PRMT8: variants seen among roughly 807,000 people sequenced by gnomAD.
PRMT8 encodes protein arginine methyltransferase 8.
A neutral mutation model predicts 47.1 loss-of-function variants in PRMT8; 7 were observed. The observed-to-expected ratio is 0.15, with a 90% CI of 0.08 to 0.28. The LOEUF (loss-of-function observed/expected upper bound fraction) is 0.28, where lower values mean the gene tolerates loss of function less well. Among genes scored for constraint, PRMT8 ranks in the 10% least tolerant of loss-of-function variants. PRMT8 has a pLI of 1.00. For missense variants in PRMT8, 237 were observed against 505.4 expected, an observed-to-expected ratio of 0.47 and a Z score of 5.09; for synonymous variants, 188 against 186.5, an observed-to-expected ratio of 1.01 and a Z score of -0.07.
intron 1 of PRMT8, among the ~76,000 whole-genome samples, chr12:3,406,569 T>A (rs967216322): frequency 2.0e-5 from 3 of 152,208 alleles, no homozygotes; most frequent in African/African-American, 7.2e-5. Context: ...AAGTTCAAAG[T>A]TACACAGATC....
Position 3,493,557 on chromosome 12 carries a change from T to C in PRMT8, c.75+1857T>C, listed in dbSNP as rs1054591454. 7.9e-5 allele frequency among the ~76,000 whole-genome samples: 12 copies of C among 151,992 alleles called. No homozygotes were observed. The South Asian group carries it at 1.2e-3, about 16-fold the overall frequency. Reference sequence around the variant, plus strand: ...CTCCTACCCCCGCTGCCGCGCGGGGTCTGGGTGCAGACCCCTGCCAGGTTC... The same window carrying C: ...CTCCTACCCCCGCTGCCGCGCGGGGCCTGGGTGCAGACCCCTGCCAGGTTC... On this transcript the variant is annotated intron_variant, in intron 1 of 9. Transcript: ENST00000382622. This position sits in a 1 kb window ranked among gnomAD's most constrained non-coding sequence, Gnocchi z 8.2.
rs180768811 is a variant in PRMT8, at chr12:3,538,807, G to A, written c.76-1799G>A. The A allele has an allele frequency of 2.0e-6, 1 of 509,416 alleles. No homozygotes were observed. Among genetic ancestry groups the A allele is most frequent in the East Asian group, 5.5e-5 (1 of 18,154 alleles). 31.6% of individuals were successfully genotyped at this position (509,416 alleles called of 1,614,324 possible). Reference sequence around the variant, plus strand: ...TCCCAAGCTGAGAGTGGGCACACCTGCTGCATTCTAATGAGGCAGCCCCAC... The same window carrying A: ...TCCCAAGCTGAGAGTGGGCACACCTACTGCATTCTAATGAGGCAGCCCCAC... On this transcript the variant is annotated intron_variant, in intron 1 of 9. Transcript: ENST00000382622. This position sits in a 1 kb window ranked among gnomAD's most constrained non-coding sequence, Gnocchi z 4.6.
chr12:3,496,211 TA>T, intron 1 of PRMT8, among the ~76,000 whole-genome samples: 2 of 48,106 alleles, frequency 4.2e-5, no homozygotes, highest in South Asian at 1.4e-3. Flanking sequence ...TATATATATA[TA>T]TATTTTTTTT....
At chr12:3,573,228 A>G (rs1026362542) in intron 6 of PRMT8, among the ~76,000 whole-genome samples, 1 of 152,032 alleles carries the variant, frequency 6.6e-6, no homozygotes, top group Admixed American at 6.6e-5. Context: ...CCCGTTTTCA[A>G]CTTTATTGGT....
chr12:3,511,818 A>G (rs1865718515), intron 1 of PRMT8, among the ~76,000 whole-genome samples: 2 of 152,220 alleles, frequency 1.3e-5, no homozygotes, highest in African/African-American at 4.8e-5. Context: ...AAAGGGGAAA[A>G]AAAAGCAAAG....
intron 7 of PRMT8, among the ~76,000 whole-genome samples, chr12:3,581,466 G>A (rs1355413785): frequency 1.3e-5 from 2 of 152,170 alleles, no homozygotes; most frequent in Non-Finnish European, 2.9e-5. Flanking sequence ...CCCTAAAGGT[G>A]TTCAGCAAGC....
At chr12:3,469,693 G>C (rs369704352) in intron 1 of PRMT8, among the ~76,000 whole-genome samples, 20 of 152,252 alleles carry the variant, frequency 1.3e-4, no homozygotes, top group African/African-American at 4.8e-4. Context: ...CCTTAAAAGG[G>C]TGATTTTTAT....
chr12:3,455,546 G>A (rs556589445), intron 1 of PRMT8, among the ~76,000 whole-genome samples: 4 of 152,112 alleles, frequency 2.6e-5, no homozygotes, highest in Non-Finnish European at 5.9e-5. Context: ...ACTGCCCTGT[G>A]ATGCAAGCTC....
chr12:3,529,968 GT>G (rs1392068710), intron 1 of PRMT8, among the ~76,000 whole-genome samples: 1 of 152,150 alleles, frequency 6.6e-6, no homozygotes, highest in Non-Finnish European at 1.5e-5. Context: ...ACTTAGATCT[GT>G]ATTTGAAGCC....
chr12:3,417,123 G>A (rs1864491636), intron 1 of PRMT8, among the ~76,000 whole-genome samples: 1 of 152,180 alleles, frequency 6.6e-6, no homozygotes, highest in Non-Finnish European at 1.5e-5. Context: ...AATAGAATGG[G>A]GAAGCCAAGG....
intron 1 of PRMT8, among the ~76,000 whole-genome samples, chr12:3,483,442 C>G (rs1299520512): frequency 7.7e-6 from 1 of 130,526 alleles, no homozygotes; most frequent in African/African-American, 3.1e-5. Flanking sequence ...TGTCACTTAA[C>G]CATGATAGTT....
At chr12:3,556,350 G>T (rs923942775) in intron 4 of PRMT8, among the ~76,000 whole-genome samples, 3 of 152,084 alleles carry the variant, frequency 2.0e-5, no homozygotes, top group Non-Finnish European at 4.4e-5. Flanking sequence ...GGGGAGAAGG[G>T]CAGCAAAGAG....
chr12:3,515,652 A>G (rs7968832), intron 1 of PRMT8, among the ~76,000 whole-genome samples: 15,793 of 152,290 alleles, frequency 0.1, 1,033 homozygotes, highest in African/African-American at 0.18. Flanking sequence ...ACCACACTGC[A>G]CAGAACCCAC....
intron 1 of PRMT8, among the ~76,000 whole-genome samples, chr12:3,459,290 C>T (rs1457323874): frequency 6.6e-6 from 1 of 152,160 alleles, no homozygotes; most frequent in East Asian, 1.9e-4. Flanking sequence ...GGCCCTGTCC[C>T]CCTTCCCACC....
At position 3,540,632 on chromosome 12, in the gene PRMT8, C is replaced by CCCCCCCCCCG; in HGVS notation, c.103_104insCCCCCCCCGC (p.Gln35ProfsTer10). The CCCCCCCCCCG allele has an allele frequency of 6.3e-7, 1 of 1,582,668 alleles. No homozygotes were observed. Among genetic ancestry groups the CCCCCCCCCCG allele is most frequent in the Non-Finnish European group, 8.7e-7 (1 of 1,152,688 alleles). On this transcript the variant is annotated frameshift_variant, in exon 2 of 10. Transcript: ENST00000382622. LOFTEE classifies it high-confidence loss of function. ...TGAACAGCCCCCCCTCCCAGCCCCC[C>CCCCCCCCCCG]CAGCCCGTCGTCCCTGCTAAGCCCG...
Position 3,593,376 on chromosome 12 carries a change from C to T in PRMT8, c.*194C>T. ...ACAGAAGGCCTCCAGCTCCTCCGCT[C>T]TGCCCTGGTAGCCCTTCACGAAGGC... is the stretch of plus-strand genomic sequence containing the variant. On this transcript the variant is annotated 3_prime_UTR_variant, in exon 10 of 10. Transcript: ENST00000382622. This position sits in a 1 kb window ranked among gnomAD's most constrained non-coding sequence, Gnocchi z 4.8. The T allele has an allele frequency of 1.7e-6, 1 of 572,336 alleles. No homozygotes were observed. The allele number at this position is 572,336 out of a possible 1,614,324, so 35.5% of individuals were successfully genotyped here.
chr12:3,578,692 A>G (rs1344156257), intron 7 of PRMT8, among the ~76,000 whole-genome samples: 1 of 152,026 alleles, frequency 6.6e-6, no homozygotes. Flanking sequence ...GCCACTAAGG[A>G]CGGGGGTGGG....
At chr12:3,404,124 G>C (rs1378283396) in intron 1 of PRMT8, among the ~76,000 whole-genome samples, 1 of 152,010 alleles carries the variant, frequency 6.6e-6, no homozygotes, top group Non-Finnish European at 1.5e-5. Context: ...AGATACTGTT[G>C]AGGCCTCTTT....
chr12:3,477,297 C>T (rs56410326), intron 1 of PRMT8, among the ~76,000 whole-genome samples: 1 of 152,192 alleles, frequency 6.6e-6, no homozygotes, highest in Non-Finnish European at 1.5e-5. Context: ...TGTGTAGGCA[C>T]CTTCTAAGTG....
Sources: gnomAD v4.1 joint callset for allele counts (sites outside exome capture counted in the v4.1 genomes callset) on GRCh38, gnomAD v4.1.1 for gene constraint, Gnocchi (gnomAD v3.1) non-coding constraint, MANE v1.5 for transcripts, NCBI Gene and HGNC (gene_info 2026-07-23, HGNC 2026-07-21) for gene names.